Variants in IGF2BP3 observed in about 807,000 individuals in gnomAD.
The protein encoded by IGF2BP3 is insulin-like growth factor 2 mRNA-binding protein 3.
A neutral mutation model predicts 73.8 loss-of-function variants in IGF2BP3; 9 were observed. The ratio of observed to expected loss-of-function variants is 0.12; its 90% CI spans 0.07 to 0.21. The LOEUF (loss-of-function observed/expected upper bound fraction) is 0.21, where lower values mean the gene tolerates loss of function less well. Among genes scored for constraint, IGF2BP3 ranks in the 10% least tolerant of loss-of-function variants. The pLI is 1.00. For synonymous variants in IGF2BP3, 258 were observed against 256.7 expected, an observed-to-expected ratio of 1.01 and a Z score of -0.05; for missense variants, 542 against 714.0, an observed-to-expected ratio of 0.76 and a Z score of 2.75.
intron 2 of IGF2BP3, among the ~76,000 whole-genome samples, chr7:23,426,947 T>C (rs527715425): frequency 2.2e-4 from 34 of 152,244 alleles, no homozygotes; most frequent in Non-Finnish European, 4.1e-4. Flanking sequence ...TTGGATGCTC[T>C]GAAGCATACT....
intron 2 of IGF2BP3, among the ~76,000 whole-genome samples, chr7:23,444,634 T>G (rs1483287739): frequency 6.8e-6 from 1 of 146,468 alleles, no homozygotes; most frequent in Non-Finnish European, 1.5e-5. Flanking sequence ...TCCCAGCTAC[T>G]TGGGAGGCTG....
chr7:23,400,365 G>A (rs1786620297), intron 3 of IGF2BP3, among the ~76,000 whole-genome samples: 1 of 152,158 alleles, frequency 6.6e-6, no homozygotes, highest in African/African-American at 2.4e-5. Flanking sequence ...TAAGCAGGTG[G>A]TTTTGGACTT....
chr7:23,461,928 G>A (rs1788458470), intron 2 of IGF2BP3, among the ~76,000 whole-genome samples: 1 of 152,116 alleles, frequency 6.6e-6, no homozygotes, highest in African/African-American at 2.4e-5. Flanking sequence ...CAGAAGTAAT[G>A]TGCCAATTCT....
At position 23,345,868 on chromosome 7, in the gene IGF2BP3, C is replaced by T. The variant is rs1350030520; in HGVS notation, c.941+72G>A. 5 of 1,538,338 alleles carry T rather than the reference C, an allele frequency of 3.3e-6. No homozygotes were observed. In the East Asian group the frequency reaches 1.1e-4, roughly 35 times the overall value. On this transcript the variant is annotated intron_variant, in intron 8 of 14. Transcript: ENST00000258729. ...GCTGAAGCAGCTGTAAAGTGGGAAG[C>T]TAAGCCCAATACACAACATGCAGCT... is the stretch of plus-strand genomic sequence containing the variant.
At position 23,410,041 on chromosome 7, in the gene IGF2BP3, C is replaced by T. The variant is rs1236146328; in HGVS notation, c.285+8735G>A. ...AAAATTAGCCAGGCATGTTGGTGGG[C>T]GCCTGTAATCCCAGCTACTCAGGAG... is the stretch of plus-strand genomic sequence containing the variant. On this transcript the variant is annotated intron_variant, in intron 3 of 14. Coordinates refer to ENST00000258729, the MANE Select transcript of IGF2BP3 (RefSeq NM_006547.3). 4.6e-5 allele frequency among the ~76,000 whole-genome samples: 7 copies of T among 152,146 alleles called. No individual in the cohort carries two copies. The South Asian group carries it at 6.2e-4, about 14-fold the overall frequency.
intron 10 of IGF2BP3, among the ~76,000 whole-genome samples, chr7:23,320,154 C>G (rs1039619542): frequency 1.3e-5 from 2 of 152,044 alleles, no homozygotes; most frequent in Non-Finnish European, 2.9e-5. Context: ...TCAAATGATC[C>G]ACCCGCCTTG....
chr7:23,377,107 T>TA (rs1785746872), intron 3 of IGF2BP3, among the ~76,000 whole-genome samples: 1 of 151,102 alleles, frequency 6.6e-6, no homozygotes, highest in African/African-American at 2.4e-5. Context: ...ATGACAAAAT[T>TA]TAAAAAAAAA....
At chr7:23,319,555 T>A (rs186868028) in intron 10 of IGF2BP3, among the ~76,000 whole-genome samples, 1 of 151,864 alleles carries the variant, frequency 6.6e-6, no homozygotes, top group Non-Finnish European at 1.5e-5. Flanking sequence ...CATATTAGAA[T>A]AGCGGGACAT....
rs776796529 is a variant in IGF2BP3, at chr7:23,361,685, T to G, written c.337+5A>C. 1.7e-5 allele frequency: 27 copies of G among 1,613,874 alleles called. No individual in the cohort carries two copies. Among genetic ancestry groups the G allele is most frequent in the Non-Finnish European group, 2.1e-5 (25 of 1,179,880 alleles). ...AAATTTGAAAGCAATTCAGAAGACA[T>G]GTACCTTGCTCACAGCTCTCCACCA... On this transcript the variant is annotated splice_donor_5th_base_variant and intron_variant, in intron 4 of 14. Transcript: ENST00000258729.
chr7:23,397,326 G>GCTCA (rs1484011753), intron 3 of IGF2BP3, among the ~76,000 whole-genome samples: 1 of 152,226 alleles, frequency 6.6e-6, no homozygotes, highest in Non-Finnish European at 1.5e-5. Context: ...CAGGGAAGGA[G>GCTCA]CTCAGCTCCA....
At chr7:23,441,398 C>T (rs1256196035) in intron 2 of IGF2BP3, among the ~76,000 whole-genome samples, 1 of 151,678 alleles carries the variant, frequency 6.6e-6, no homozygotes, top group Non-Finnish European at 1.5e-5. Flanking sequence ...CATGGTGAAA[C>T]CCCATCTCTA....
chr7:23,397,577 C>T (rs1786517408), intron 3 of IGF2BP3, among the ~76,000 whole-genome samples: 1 of 152,206 alleles, frequency 6.6e-6, no homozygotes, highest in Non-Finnish European at 1.5e-5. Flanking sequence ...CAACACATGC[C>T]TCCTTCTATC....
intron 12 of IGF2BP3, 70 bp downstream of exon 12, chr7:23,317,569 G>A (rs1784025085): frequency 6.2e-6 from 7 of 1,120,746 alleles, no homozygotes; most frequent in Middle Eastern, 4.0e-4. Context: ...ATATTTAAGG[G>A]AGACGCCAGG....
chr7:23,455,101 T>A (rs1365768478), intron 2 of IGF2BP3, among the ~76,000 whole-genome samples: 3 of 152,332 alleles, frequency 2.0e-5, no homozygotes, highest in South Asian at 4.1e-4. Context: ...TTTCCAAAAT[T>A]AACCTAGGCA....
At chr7:23,455,469 C>T (rs1788294035) in intron 2 of IGF2BP3, among the ~76,000 whole-genome samples, 1 of 152,214 alleles carries the variant, frequency 6.6e-6, no homozygotes, top group African/African-American at 2.4e-5. Flanking sequence ...CCAGGCTAAG[C>T]CTAATAATGC....
At chr7:23,468,152 T>A (rs907386020) in intron 2 of IGF2BP3, among the ~76,000 whole-genome samples, 1 of 152,194 alleles carries the variant, frequency 6.6e-6, no homozygotes, top group Non-Finnish European at 1.5e-5. Flanking sequence ...TCCCAAGCCC[T>A]GCAAACCCCC....
At chr7:23,373,934 T>C (rs1297981501) in intron 3 of IGF2BP3, among the ~76,000 whole-genome samples, 1 of 152,224 alleles carries the variant, frequency 6.6e-6, no homozygotes, top group Non-Finnish European at 1.5e-5. Context: ...TCTCATGCCA[T>C]GTGACATGCC....
chr7:23,356,832 T>C (rs1028899185), intron 5 of IGF2BP3, among the ~76,000 whole-genome samples: 4 of 151,978 alleles, frequency 2.6e-5, no homozygotes, highest in South Asian at 4.1e-4. Context: ...CATGACTAAA[T>C]TGGTTCTAAA....
chr7:23,370,959 G>A (rs545019128), intron 3 of IGF2BP3, among the ~76,000 whole-genome samples: 13 of 152,244 alleles, frequency 8.5e-5, no homozygotes, highest in African/African-American at 2.9e-4. Flanking sequence ...GATTACAGGC[G>A]TGAGTCACTG....
Sources: gnomAD v4.1 joint callset for allele counts (sites outside exome capture counted in the v4.1 genomes callset) on GRCh38, gnomAD v4.1.1 for gene constraint, MANE v1.5 for transcripts, NCBI Gene and HGNC (gene_info 2026-07-23, HGNC 2026-07-21) for gene names.